Variants in FAM117B observed in about 807,000 individuals in gnomAD.
FAM117B encodes protein FAM117B.
In FAM117B, 22 loss-of-function variants were observed where a neutral mutation model predicts 52.8. That is an observed-to-expected ratio of 0.42 (90% confidence interval 0.30 to 0.59). The LOEUF is 0.59. Ranked by LOEUF, FAM117B falls within the 20% of genes least tolerant of loss-of-function variation. The pLI is 0.22. For missense variants in FAM117B, 678 were observed against 802.6 expected (o/e 0.84, Z 1.88); for synonymous variants, 309 against 324.1 (o/e 0.95, Z 0.50).
At chr2:202,755,821 C>T in intron 5 of FAM117B, 140 bp downstream of exon 5, 4 of 819,776 alleles carry the variant, frequency 4.9e-6, no homozygotes, top group Non-Finnish European at 7.3e-6. Flanking sequence ...AATCTTTGAC[C>T]TGGGTGAGTG....
intron 1 of FAM117B, among the ~76,000 whole-genome samples, chr2:202,672,458 C>T (rs1202616427): frequency 2.0e-5 from 3 of 152,232 alleles, no homozygotes; most frequent in Admixed American, 6.5e-5. Context: ...AAGTGATCCA[C>T]CCGCCTTAGC....
chr2:202,741,848 A>C (rs556226506), intron 4 of FAM117B, among the ~76,000 whole-genome samples: 1 of 152,294 alleles, frequency 6.6e-6, no homozygotes, highest in East Asian at 1.9e-4. Context: ...AAATTTTTGT[A>C]TGACTGCAGT....
intron 4 of FAM117B, among the ~76,000 whole-genome samples, chr2:202,727,217 G>T (rs999293595): frequency 1.3e-5 from 2 of 152,196 alleles, no homozygotes; most frequent in African/African-American, 2.4e-5. Flanking sequence ...AGGCAGCAGG[G>T]CCTGGAAGGT....
intron 2 of FAM117B, among the ~76,000 whole-genome samples, chr2:202,719,623 CTT>C (rs764431644): frequency 3.3e-5 from 5 of 152,096 alleles, no homozygotes; most frequent in Non-Finnish European, 7.4e-5. Flanking sequence ...TACCAATAAA[CTT>C]ATCAAATTCA....
At chr2:202,717,355 C>T (rs1209863105) in intron 2 of FAM117B, among the ~76,000 whole-genome samples, 1 of 152,088 alleles carries the variant, frequency 6.6e-6, no homozygotes, top group Non-Finnish European at 1.5e-5. Flanking sequence ...TGCCTATAGT[C>T]TCAGCTACTT....
At chr2:202,654,241 T>C (rs1463869326) in intron 1 of FAM117B, among the ~76,000 whole-genome samples, 4 of 150,546 alleles carry the variant, frequency 2.7e-5, no homozygotes, top group African/African-American at 9.7e-5. Flanking sequence ...AGATATAAAA[T>C]ATATCCAGAA....
chr2:202,751,069 G>GA (rs1691713565), intron 4 of FAM117B, among the ~76,000 whole-genome samples: 2 of 151,998 alleles, frequency 1.3e-5, no homozygotes, highest in African/African-American at 4.8e-5. Context: ...TGAGGAAAGG[G>GA]AAAATCAAAA....
chr2:202,715,831 G>A (rs1290033222), intron 2 of FAM117B, among the ~76,000 whole-genome samples: 3 of 152,258 alleles, frequency 2.0e-5, no homozygotes, highest in Non-Finnish European at 4.4e-5. Flanking sequence ...TGCAATCCCG[G>A]CACCTCGGGA....
chr2:202,673,042 C>T (rs923479036), intron 1 of FAM117B, among the ~76,000 whole-genome samples: 2 of 152,164 alleles, frequency 1.3e-5, no homozygotes, highest in Admixed American at 1.3e-4. Context: ...AGTGAGACCT[C>T]ATTTCTTTTA....
intron 1 of FAM117B, among the ~76,000 whole-genome samples, chr2:202,668,781 G>T (rs1179537732): frequency 6.6e-6 from 1 of 151,988 alleles, no homozygotes; most frequent in Admixed American, 6.6e-5. Context: ...TTAAATATAT[G>T]CCTCTAAGGG....
chr2:202,762,112 A>C (rs1691899176), intron 7 of FAM117B, among the ~76,000 whole-genome samples: 1 of 152,222 alleles, frequency 6.6e-6, no homozygotes. Context: ...CACCGTGCAC[A>C]CCACAATGAA....
intron 1 of FAM117B, among the ~76,000 whole-genome samples, chr2:202,654,817 T>G (rs1045366231): frequency 2.0e-5 from 3 of 152,132 alleles, no homozygotes; most frequent in Non-Finnish European, 4.4e-5. Context: ...TAAGATTGAA[T>G]ACTCTGTCAA....
intron 2 of FAM117B, among the ~76,000 whole-genome samples, chr2:202,706,571 T>C (rs989505259): frequency 3.3e-5 from 5 of 152,224 alleles, no homozygotes; most frequent in African/African-American, 1.2e-4. Flanking sequence ...AGACAGCTGT[T>C]TATAAATCTA....
chr2:202,745,927 C>A (rs1183506356), intron 4 of FAM117B, among the ~76,000 whole-genome samples: 1 of 152,104 alleles, frequency 6.6e-6, no homozygotes, highest in Non-Finnish European at 1.5e-5. Context: ...GCACCTTACA[C>A]CAGAGCACCA....
At chr2:202,646,097 G>T (rs1455443470) in intron 1 of FAM117B, among the ~76,000 whole-genome samples, 1 of 151,230 alleles carries the variant, frequency 6.6e-6, no homozygotes, top group African/African-American at 2.4e-5. Flanking sequence ...CACTATCTTG[G>T]CTCACTTCAG....
chr2:202,688,447 T>TA (rs1351368173), intron 1 of FAM117B, among the ~76,000 whole-genome samples: 5 of 152,126 alleles, frequency 3.3e-5, no homozygotes, highest in African/African-American at 1.2e-4. Context: ...ATATTATACA[T>TA]ACTCTTTAAA....
At chr2:202,676,365 AATATTC>A (rs1690379140) in intron 1 of FAM117B, among the ~76,000 whole-genome samples, 2 of 142,956 alleles carry the variant, frequency 1.4e-5, no homozygotes, top group Non-Finnish European at 3.0e-5. Flanking sequence ...TGAGATAATA[AATATTC>A]CTTGTTTTTT....
intron 1 of FAM117B, among the ~76,000 whole-genome samples, chr2:202,666,804 G>A (rs1348333597): frequency 6.6e-6 from 1 of 151,312 alleles, no homozygotes; most frequent in African/African-American, 2.4e-5. Flanking sequence ...GAGTAGCTGG[G>A]ACAGCTAATT....
At chr2:202,638,310 C>T (rs940897806) in intron 1 of FAM117B, among the ~76,000 whole-genome samples, 2 of 152,210 alleles carry the variant, frequency 1.3e-5, no homozygotes, top group Non-Finnish European at 2.9e-5. Flanking sequence ...GAAGGAGGCA[C>T]AGCCTGTAGT....
Sources: gnomAD v4.1 joint callset for allele counts (sites outside exome capture counted in the v4.1 genomes callset) on GRCh38, gnomAD v4.1.1 for gene constraint, MANE v1.5 for transcripts, NCBI Gene and HGNC (gene_info 2026-07-23, HGNC 2026-07-21) for gene names.